Variants in KRIT1 observed in about 807,000 individuals in gnomAD.
KRIT1 encodes krev interaction trapped protein 1.
In KRIT1, 45 loss-of-function variants were observed where a neutral mutation model predicts 95.8. The ratio of observed to expected loss-of-function variants is 0.47; its 90% CI spans 0.37 to 0.60. The LOEUF (loss-of-function observed/expected upper bound fraction) is 0.60. Among genes scored for constraint, KRIT1 ranks in the 20% least tolerant of loss-of-function variants. KRIT1 has a pLI of 0.00. For missense variants in KRIT1, 788 were observed against 877.5 expected (o/e 0.90, Z 1.29); for synonymous variants, 282 against 278.8 (o/e 1.01, Z -0.11).
intron 14 of KRIT1, among the ~76,000 whole-genome samples, chr7:92,218,236 A>C (rs34574955): frequency 0.35 from 52,731 of 151,828 alleles, 9,562 homozygotes; most frequent in Middle Eastern, 0.39. Flanking sequence ...AAACAAAGAC[A>C]AAGACAAAAA....
chr7:92,235,947 T>G, intron 7 of KRIT1: 3 of 269,340 alleles, frequency 1.1e-5, no homozygotes, highest in Non-Finnish European at 1.4e-5. Flanking sequence ...ATAAAAGTTT[T>G]GTTAATGGAT....
chr7:92,215,850 G>A (rs751696118), intron 14 of KRIT1, among the ~76,000 whole-genome samples: 56 of 150,910 alleles, frequency 3.7e-4, no homozygotes, highest in African/African-American at 1.2e-3. Context: ...ATTCCTACTT[G>A]TACAAAGTCA....
chr7:92,209,708 G>C (rs1244788048), intron 17 of KRIT1, among the ~76,000 whole-genome samples: 1 of 152,102 alleles, frequency 6.6e-6, no homozygotes, highest in African/African-American at 2.4e-5. Context: ...AGAAATTCAA[G>C]AGCACACAAA....
Position 92,234,912 on chromosome 7 carries a change from C to T in KRIT1, c.741G>A (p.Val247=), listed in dbSNP as rs570394665. Residue 247 remains valine, a synonymous_variant, in exon 9 of 19, where the codon GTG becomes GTA. Coordinates refer to ENST00000394505, the MANE Select transcript of KRIT1 (RefSeq NM_194454.3). ...DLQYTNRVDK[V]VINPYFGLGA... ...CTAGACCAAAGTATGGATTTATTAC[C>T]ACTTTATCTACCTAGAAAGGGAAAA... The T allele has an allele frequency of 1.4e-6, 2 of 1,478,232 alleles. No homozygotes were observed. Among genetic ancestry groups the T allele is most frequent in the South Asian group, 1.1e-5 (1 of 88,220 alleles). The allele number at this position is 1,478,232 out of a possible 1,614,324, so 91.6% of individuals were successfully genotyped here. A position where few individuals can be genotyped will look rare whatever the true frequency, so the allele number is the denominator to read the frequency against.
At chr7:92,212,355 T>G (rs1200013083) in intron 17 of KRIT1, among the ~76,000 whole-genome samples, 1 of 152,228 alleles carries the variant, frequency 6.6e-6, no homozygotes, top group Non-Finnish European at 1.5e-5. Context: ...GTTAAAACTT[T>G]CAAGTTGCAA....
chr7:92,237,290 A>T (rs1354943800), intron 6 of KRIT1, among the ~76,000 whole-genome samples: 1 of 152,154 alleles, frequency 6.6e-6, no homozygotes, highest in African/African-American at 2.4e-5. Flanking sequence ...TCTTGTCCCA[A>T]ATACAAGATA....
intron 14 of KRIT1, among the ~76,000 whole-genome samples, chr7:92,217,576 T>A (rs1794248905): frequency 6.6e-6 from 1 of 152,236 alleles, no homozygotes; most frequent in African/African-American, 2.4e-5. Context: ...GGTTCACTCA[T>A]GTTGTCACAT....
At chr7:92,225,311 T>C (rs1158429169) in intron 12 of KRIT1, among the ~76,000 whole-genome samples, 2 of 152,066 alleles carry the variant, frequency 1.3e-5, no homozygotes, top group Admixed American at 6.5e-5. Context: ...AATGAGGTTT[T>C]TTGTTTGTTT....
At chr7:92,240,915 A>T in intron 5 of KRIT1, 78 bp downstream of exon 5, 1 of 1,158,588 alleles carries the variant, frequency 8.6e-7, no homozygotes, top group Non-Finnish European at 1.3e-6. Context: ...AAATTGGTTT[A>T]ATATGTGTAT....
intron 3 of KRIT1, among the ~76,000 whole-genome samples, chr7:92,243,753 T>C (rs985284095): frequency 1.3e-5 from 2 of 152,140 alleles, no homozygotes; most frequent in African/African-American, 4.8e-5. Flanking sequence ...ATTAAAATTA[T>C]TGTACAAAAA....
At chr7:92,218,156 A>C (rs1372538319) in intron 14 of KRIT1, among the ~76,000 whole-genome samples, 1 of 152,088 alleles carries the variant, frequency 6.6e-6, no homozygotes, top group Non-Finnish European at 1.5e-5. Flanking sequence ...GGTTCAAGAG[A>C]TCCTCCTGTC....
In KRIT1 at chr7:92,214,773, T is replaced by A. The variant is rs1163525604; in HGVS notation, c.1568A>T (p.Glu523Val). 6.3e-7 allele frequency: 1 copy of A among 1,593,954 alleles called. No homozygotes were observed. Among genetic ancestry groups the A allele is most frequent in the Admixed American group, 1.7e-5 (1 of 59,968 alleles). ...RLPLEVEKQIEDPLAILILFD... is the reference protein window; with the variant it reads ...RLPLEVEKQIVDPLAILILFD... Reference sequence around the variant, plus strand: ...GAGAATAAGAATAGCTAGTGGGTCTTCAATCTTAAAGGAAAAAGTATAATT... The same window carrying A: ...GAGAATAAGAATAGCTAGTGGGTCTACAATCTTAAAGGAAAAAGTATAATT... The change falls in exon 15 of 19, where the codon GAA becomes GTA. Residue 523 changes from glutamate to valine, a missense_variant. By Grantham distance (121) the Glu-to-Val change is moderately radical (BLOSUM62 -2). Around this residue, in one of 3 missense-constraint regions of KRIT1, gnomAD observed 493 missense variants for 582.3 expected, o/e 0.85. Transcript: ENST00000394505.
chr7:92,213,376 C>T lies in KRIT1; in HGVS notation c.1844G>A (p.Ser615Asn), dbSNP rs780608959. 32 of 1,610,796 alleles carry T rather than the reference C, an allele frequency of 2.0e-5. No homozygotes were observed. Among genetic ancestry groups the T allele is most frequent in the Non-Finnish European group, 2.3e-5 (27 of 1,177,318 alleles). ...GCGCTGAAGGTGATGCATTTCTTTA[C>T]TGACACCTTCACTTGTACTGAGATT... ...YKNLSTSEGVSKEMHHLQRMF... is the reference protein window; with the variant it reads ...YKNLSTSEGVNKEMHHLQRMF... The change falls in exon 17 of 19, where the codon AGT becomes AAT. Residue 615 changes from serine to asparagine, a missense_variant. Ser to Asn is a conservative substitution (Grantham distance 46). Transcript: ENST00000394505.
chr7:92,227,519 T>C (rs1469356989), intron 10 of KRIT1, among the ~76,000 whole-genome samples: 1 of 152,146 alleles, frequency 6.6e-6, no homozygotes, highest in Non-Finnish European at 1.5e-5. Context: ...AGTGCTCTGA[T>C]AGAAGAACAA....
intron 14 of KRIT1, among the ~76,000 whole-genome samples, chr7:92,218,078 G>C (rs1344350362): frequency 4.0e-5 from 6 of 151,872 alleles, no homozygotes; most frequent in African/African-American, 1.5e-4. Flanking sequence ...TTACAGACAG[G>C]GTCTTGCTCT....
chr7:92,221,746 G>T (rs914591948), intron 14 of KRIT1, among the ~76,000 whole-genome samples, 156 bp downstream of exon 14: 7 of 152,116 alleles, frequency 4.6e-5, no homozygotes, highest in African/African-American at 1.7e-4. Flanking sequence ...CCAACCAAGG[G>T]CTTTGTAAGT....
At chr7:92,238,670 T>A (rs1413952118) in intron 5 of KRIT1, among the ~76,000 whole-genome samples, 1 of 152,218 alleles carries the variant, frequency 6.6e-6, no homozygotes, top group African/African-American at 2.4e-5. Flanking sequence ...TGCCTTGCTG[T>A]TTCCCCAAAT....
intron 5 of KRIT1, among the ~76,000 whole-genome samples, chr7:92,240,357 A>G (rs563896806): frequency 6.6e-6 from 1 of 152,334 alleles, no homozygotes; most frequent in Middle Eastern, 3.4e-3. Flanking sequence ...GCTTTACTTC[A>G]CTAAGAACTG....
rs949991224 is a variant in KRIT1 at position 92,215,681 on chromosome 7, G to A, written c.1564-904C>T. Among the ~76,000 whole-genome samples, 19 of 151,216 alleles carry A rather than the reference G, an allele frequency of 1.3e-4. 1 individual carries two copies. Among genetic ancestry groups the A allele is most frequent in the African/African-American group, 3.9e-4 (16 of 41,272 alleles). ...CAGAAGGTCTTGCCATGTTGCCTAG[G>A]CTGGGCTCAAGCAGTCCTCTCACCT... On this transcript the variant is annotated intron_variant, in intron 14 of 18. Transcript: ENST00000394505.
Sources: allele counts gnomAD v4.1 joint callset (sites outside exome capture counted in the v4.1 genomes callset), GRCh38; gene constraint gnomAD v4.1.1; regional missense constraint gnomAD v4.1.1; transcripts MANE v1.5; gene names NCBI Gene and HGNC (gene_info 2026-07-23, HGNC 2026-07-21).